Variants in TMEM132E observed in about 807,000 individuals in gnomAD.
TMEM132E encodes the protein transmembrane protein 132E.
TMEM132E carries 49 observed loss-of-function variants against 78.5 expected under a neutral mutation model. That is an observed-to-expected ratio of 0.62 (90% CI 0.50 to 0.79). TMEM132E has a LOEUF of 0.79. Ranked by LOEUF, TMEM132E falls within the 30% of genes least tolerant of loss-of-function variation. The probability of loss-of-function intolerance (pLI) is 0.00; values close to 1 mark genes in which losing one functional copy is unlikely to be tolerated. For synonymous variants in TMEM132E, 715 were observed against 670.6 expected (o/e 1.07, Z -1.02); for missense variants, 1,403 against 1,470.9 (o/e 0.95, Z 0.75).
intron 1 of TMEM132E, among the ~76,000 whole-genome samples, chr17:34,608,337 G>A (rs1355146160): frequency 6.6e-6 from 1 of 152,176 alleles, no homozygotes; most frequent in South Asian, 2.1e-4. Context: ...AGTCAGACCT[G>A]AGTTTGAGTT....
rs1313892379 is a variant in TMEM132E at position 34,636,111 on chromosome 17, G to A, written c.2082G>A (p.Leu694=). ...TTCAGGCCCAGGTGGTGGCCAGCCT[G>A]GCCCTCTCCCTGCGGCCCAGCCCTG... ...TQLQAQVVAS[L]ALSLRPSPGS... is the part of the protein sequence containing the mutation. Residue 694 remains leucine (L), a synonymous_variant, in exon 8 of 9, where the codon CTG becomes CTA. Coordinates refer to ENST00000631683, the MANE Select transcript of TMEM132E (RefSeq NM_001304438.2). The A allele has an allele frequency of 6.3e-7, 1 of 1,594,790 alleles. No homozygotes were observed. Among genetic ancestry groups the A allele is most frequent in the Non-Finnish European group, 8.5e-7 (1 of 1,171,608 alleles).
At chr17:34,581,168 G>A (rs756314365) in intron 1 of TMEM132E, 25 bp downstream of exon 1, 2 of 1,497,516 alleles carry the variant, frequency 1.3e-6, no homozygotes, top group South Asian at 2.5e-5. Flanking sequence ...GCGGACTGGG[G>A]GTGAGGATGC....
chr17:34,610,657 TTG>T (rs1906560034), intron 1 of TMEM132E, among the ~76,000 whole-genome samples: 1 of 152,174 alleles, frequency 6.6e-6, no homozygotes, highest in Non-Finnish European at 1.5e-5. Context: ...CTTGACACTG[TTG>T]TGAGAATGAA....
At chr17:34,610,351 A>T (rs1466303335) in intron 1 of TMEM132E, among the ~76,000 whole-genome samples, 1 of 152,200 alleles carries the variant, frequency 6.6e-6, no homozygotes, top group Non-Finnish European at 1.5e-5. Flanking sequence ...TGTCAGTTAC[A>T]AATCTAGTAT....
intron 8 of TMEM132E, 144 bp downstream of exon 8, chr17:34,636,342 GC>G: frequency 1.2e-6 from 1 of 842,264 alleles, no homozygotes. Context: ...CTGCACAACT[GC>G]CCACCCTATG....
intron 1 of TMEM132E, among the ~76,000 whole-genome samples, chr17:34,601,951 G>C (rs1277785786): frequency 6.6e-6 from 1 of 152,202 alleles, no homozygotes; most frequent in Admixed American, 6.5e-5. Flanking sequence ...CCAAGTTAGT[G>C]GGAGAGGGGG....
At chr17:34,627,469 T>TGTGTGCGTGCGCGCGCGCGCGC (rs1292354113) in intron 2 of TMEM132E, among the ~76,000 whole-genome samples, 6 of 112,028 alleles carry the variant, frequency 5.4e-5, no homozygotes, top group African/African-American at 1.8e-4. Context: ...AAAAGAATCG[T>TGTGTGCGTGCGCGCGCGCGCGC]GTGTGTGTGT....
intron 4 of TMEM132E, among the ~76,000 whole-genome samples, chr17:34,629,580 T>C (rs543763394): frequency 6.6e-6 from 1 of 152,056 alleles, no homozygotes; most frequent in East Asian, 1.9e-4. Context: ...AGTGAGAATA[T>C]GAGTAGTTTG....
intron 1 of TMEM132E, among the ~76,000 whole-genome samples, chr17:34,613,223 G>GCGCGCGCT (rs1906667732): frequency 6.7e-6 from 1 of 148,320 alleles, no homozygotes; most frequent in African/African-American, 2.4e-5. Flanking sequence ...GCGCGCGCGC[G>GCGCGCGCT]CGCGTTCTTA....
chr17:34,606,364 A>G (rs2142063498), intron 1 of TMEM132E, among the ~76,000 whole-genome samples: 1 of 152,330 alleles, frequency 6.6e-6, no homozygotes, highest in Middle Eastern at 3.4e-3. Flanking sequence ...TAAATAAACA[A>G]AAATAAAAGA....
At chr17:34,633,743 A>G (rs1320202298) in intron 6 of TMEM132E, among the ~76,000 whole-genome samples, 1 of 152,172 alleles carries the variant, frequency 6.6e-6, no homozygotes, top group Non-Finnish European at 1.5e-5. Context: ...TCAAACTTTA[A>G]TGTGTACACG....
intron 5 of TMEM132E, among the ~76,000 whole-genome samples, chr17:34,631,781 G>A (rs994339150): frequency 2.6e-5 from 4 of 152,172 alleles, no homozygotes; most frequent in African/African-American, 9.7e-5. Context: ...CTGAATGATA[G>A]ACCTTCCCCC....
At chr17:34,584,725 G>A (rs1905606055) in intron 1 of TMEM132E, among the ~76,000 whole-genome samples, 1 of 152,202 alleles carries the variant, frequency 6.6e-6, no homozygotes, top group South Asian at 2.1e-4. Context: ...CAGGGGAGGA[G>A]ACAGGCAGAG....
intron 1 of TMEM132E, among the ~76,000 whole-genome samples, chr17:34,595,521 C>A (rs1906026329): frequency 6.6e-6 from 1 of 152,202 alleles, no homozygotes; most frequent in Admixed American, 6.5e-5. Flanking sequence ...CTCTGAATTC[C>A]TCTCTGGACT....
chr17:34,612,498 A>G (rs1174567130), intron 1 of TMEM132E, among the ~76,000 whole-genome samples: 1 of 152,202 alleles, frequency 6.6e-6, no homozygotes, highest in East Asian at 1.9e-4. Context: ...GTGAGTTCCA[A>G]AGCCCACTCT....
Position 34,626,299 on chromosome 17 carries a change from G to A in TMEM132E, c.240G>A (p.Val80=). 6.2e-7 allele frequency: 1 copy of A among 1,611,328 alleles called. No individual in the cohort carries two copies. The highest frequency in any genetic ancestry group is 8.5e-7 in the Non-Finnish European group (1 of 1,178,962). The change falls in exon 2 of 9, where the codon GTG becomes GTA. Residue 80 remains valine (V), a synonymous_variant. Transcript: ENST00000631683. ...NSSLQRSEPF[V]VFQTKELPVL... ...CTCTGCAGCGCTCCGAGCCCTTCGT[G>A]GTGTTCCAGACCAAGGAGCTGCCGG...
chr17:34,634,921 CA>C lies in TMEM132E; in HGVS notation c.1812del (p.Ser605HisfsTer12). The C allele has an allele frequency of 6.2e-7, 1 of 1,614,234 alleles. No individual in the cohort carries two copies. The highest frequency in any genetic ancestry group is 1.1e-5 in the South Asian group (1 of 91,082). On this transcript the variant is annotated frameshift_variant, in exon 7 of 9. Transcript: ENST00000631683. LOFTEE classifies it high-confidence loss of function. Reference protein sequence around the residue: ...TLQVFTQFHTTSSEGTDQVVT... With the variant: ...TLQVFTQFHTXSSEGTDQVVT... ...CAGGTCTTCACCCAGTTCCACACGA[CA>C]TCATCCGAGGGCACTGACCAGGTGG...
intron 1 of TMEM132E, among the ~76,000 whole-genome samples, chr17:34,607,927 C>A (rs889831203): frequency 2.6e-5 from 4 of 152,154 alleles, no homozygotes; most frequent in African/African-American, 9.7e-5. Context: ...ACCTGGGAGA[C>A]CTCCAAACCC....
Position 34,613,392 on chromosome 17 carries a change from G to A in TMEM132E, c.68-12735G>A, listed in dbSNP as rs1341930193. Among the ~76,000 whole-genome samples the A allele has an allele frequency of 1.9e-4, 14 of 73,568 alleles. No homozygotes were observed. The South Asian group carries it at 2.2e-3, about 11-fold the overall frequency. The allele number at this position is 73,568 out of a possible 152,430, so 48.3% of individuals were successfully genotyped here. On this transcript the variant is annotated intron_variant, in intron 1 of 8. Transcript: ENST00000631683. ...CCCCTCCCCCGCACTCCCCTCCCCCGCTGCTCCTGCTTAGCTGGCTGGGTT... is the reference window on the plus strand; with the variant it reads ...CCCCTCCCCCGCACTCCCCTCCCCCACTGCTCCTGCTTAGCTGGCTGGGTT...
Sources: gnomAD v4.1 joint callset for allele counts (sites outside exome capture counted in the v4.1 genomes callset) on GRCh38, gnomAD v4.1.1 for gene constraint, MANE v1.5 for transcripts, NCBI Gene and HGNC (gene_info 2026-07-23, HGNC 2026-07-21) for gene names.